The following SEMA5A variants were observed in gnomAD, a reference collection of about 807,000 sequenced individuals.
The protein encoded by SEMA5A is semaphorin 5A.
In SEMA5A, 55 loss-of-function variants were observed where a neutral mutation model predicts 135.5. That is an observed-to-expected ratio of 0.41 (90% CI 0.33 to 0.51). SEMA5A has a LOEUF of 0.51. SEMA5A is among the 20% of genes least tolerant of loss of function. SEMA5A has a pLI of 0.37. For missense variants in SEMA5A, 1,290 were observed against 1,419.9 expected (o/e 0.91, Z 1.47); for synonymous variants, 580 against 546.5 (o/e 1.06, Z -0.85).
At chr5:9,477,261 C>T (rs1759703241) in intron 1 of SEMA5A, among the ~76,000 whole-genome samples, 1 of 152,096 alleles carries the variant, frequency 6.6e-6, no homozygotes, top group African/African-American at 2.4e-5. Context: ...TACCAAATGT[C>T]AGATAGTTCT....
intron 11 of SEMA5A, among the ~76,000 whole-genome samples, chr5:9,155,122 C>A (rs1173772116): frequency 2.0e-5 from 3 of 152,152 alleles, no homozygotes; most frequent in Non-Finnish European, 4.4e-5. Context: ...ATGTGATTGG[C>A]AGCTTCAAAT....
intron 21 of SEMA5A, 97 bp downstream of exon 21, chr5:9,050,313 G>T: frequency 2.7e-6 from 3 of 1,131,810 alleles, no homozygotes; most frequent in Admixed American, 2.6e-5. Context: ...TTTCATTCTT[G>T]GCCAAGAGGC....
At position 9,136,550 on chromosome 5, in the gene SEMA5A, T is replaced by C. The variant is rs151058285; in HGVS notation, c.1553A>G (p.Glu518Gly). 2.5e-6 allele frequency: 4 copies of C among 1,614,122 alleles called. No homozygotes were observed. The highest frequency in any genetic ancestry group is 8.5e-7 in the Non-Finnish European group (1 of 1,180,004). The change falls in exon 13 of 23, where the codon GAG becomes GGG. Residue 518 changes from glutamate to glycine, a missense_variant. Physicochemically the swap from Glu to Gly is moderately conservative, Grantham distance 98. Transcript: ENST00000382496. The part of the protein sequence containing the change: ...VVMKKCTSLE[E>G]SLSMTQWEQS... ...TTCCCACTGCGTCATGCTCAGGCTC[T>C]CCTCCAGGCTTGTGCATTTCTTCAT...
At chr5:9,167,994 A>C (rs1271697303) in intron 11 of SEMA5A, among the ~76,000 whole-genome samples, 1 of 152,172 alleles carries the variant, frequency 6.6e-6, no homozygotes, top group Non-Finnish European at 1.5e-5. Flanking sequence ...GAAATAGCAG[A>C]ATAACCATGT....
rs1736141247 is a variant in SEMA5A, at chr5:9,044,536, A to AG, written c.2941dup (p.Leu981ProfsTer35). The AG allele has an allele frequency of 6.2e-7, 1 of 1,614,050 alleles. No homozygotes were observed. The highest frequency in any genetic ancestry group is 8.5e-7 in the Non-Finnish European group (1 of 1,180,024). On this transcript the variant is annotated frameshift_variant, in exon 22 of 23. Coordinates refer to ENST00000382496, the MANE Select transcript of SEMA5A (RefSeq NM_003966.3). LOFTEE classifies it high-confidence loss of function. ...GACGAGCAGGGTGAGGAGGCAGCCG[A>AG]GGATGGAGCTGCTCAGCCCCACGGC...
chr5:9,317,350 T>C (rs552792465), intron 5 of SEMA5A, among the ~76,000 whole-genome samples: 1 of 152,174 alleles, frequency 6.6e-6, no homozygotes, highest in Non-Finnish European at 1.5e-5. Flanking sequence ...CATGCTAGTA[T>C]GGAGTTGGCA....
At chr5:9,367,848 T>C (rs991472360) in intron 3 of SEMA5A, among the ~76,000 whole-genome samples, 3 of 152,228 alleles carry the variant, frequency 2.0e-5, no homozygotes, top group Non-Finnish European at 4.4e-5. Flanking sequence ...TGAGTTCATG[T>C]AACATCTGGT....
At position 9,169,648 on chromosome 5, in the gene SEMA5A, C is replaced by T. The variant is rs1006204508; in HGVS notation, c.1274-14953G>A. ...AATAAAACCCTGGCATAGTCAGACG[C>T]TCTCCCACTCTCCTCTCCCTTCAAC... On this transcript the variant is annotated intron_variant, in intron 11 of 22. Transcript: ENST00000382496. Among the ~76,000 whole-genome samples the T allele has an allele frequency of 3.3e-5, 5 of 152,178 alleles. No individual in the cohort carries two copies. The East Asian group carries it at 9.6e-4, about 29-fold the overall frequency.
chr5:9,303,408 G>T (rs1305312898), intron 5 of SEMA5A, among the ~76,000 whole-genome samples: 1 of 152,128 alleles, frequency 6.6e-6, no homozygotes, highest in African/African-American at 2.4e-5. Context: ...ATTTTAAAAA[G>T]AACTTGAGGA....
chr5:9,442,409 A>T (rs1175628408), intron 1 of SEMA5A, among the ~76,000 whole-genome samples: 1 of 152,206 alleles, frequency 6.6e-6, no homozygotes, highest in African/African-American at 2.4e-5. Flanking sequence ...AGACCATCAG[A>T]AGCTCGTGAC....
chr5:9,371,594 T>A (rs1755138446), intron 3 of SEMA5A, among the ~76,000 whole-genome samples: 1 of 152,220 alleles, frequency 6.6e-6, no homozygotes, highest in Non-Finnish European at 1.5e-5. Context: ...ATGCATTTTG[T>A]AATGTAAAAA....
chr5:9,075,372 C>G (rs1247621483), intron 16 of SEMA5A, among the ~76,000 whole-genome samples: 4 of 151,838 alleles, frequency 2.6e-5, no homozygotes, highest in Non-Finnish European at 4.4e-5. Context: ...ACACTTGTAC[C>G]TGAATGTTCA....
intron 15 of SEMA5A, among the ~76,000 whole-genome samples, chr5:9,112,223 T>C (rs888155350): frequency 1.3e-5 from 2 of 152,260 alleles, no homozygotes; most frequent in East Asian, 1.9e-4. Flanking sequence ...TGTTTCTCTA[T>C]AAATTATCCA....
chr5:9,052,470 T>C (rs950343113), intron 19 of SEMA5A, among the ~76,000 whole-genome samples: 2 of 152,192 alleles, frequency 1.3e-5, no homozygotes, highest in Non-Finnish European at 2.9e-5. Flanking sequence ...CACCTTCCTC[T>C]GTGCTCAGGC....
chr5:9,129,177 A>G (rs949043174), intron 13 of SEMA5A, among the ~76,000 whole-genome samples: 1 of 152,226 alleles, frequency 6.6e-6, no homozygotes, highest in Non-Finnish European at 1.5e-5. Context: ...AGTGATGGCT[A>G]ATGAAAGAAT....
At chr5:9,142,101 G>A (rs1418776481) in intron 12 of SEMA5A, among the ~76,000 whole-genome samples, 1 of 152,106 alleles carries the variant, frequency 6.6e-6, no homozygotes, top group Non-Finnish European at 1.5e-5. Flanking sequence ...CTTCCCATTT[G>A]GTTAAGAAAG....
intron 1 of SEMA5A, among the ~76,000 whole-genome samples, chr5:9,531,661 C>T (rs917351374): frequency 6.6e-6 from 1 of 152,126 alleles, no homozygotes; most frequent in Non-Finnish European, 1.5e-5. Flanking sequence ...CCTTGAGGCA[C>T]GCTGGCAAAA....
At chr5:9,081,197 T>C (rs1311016481) in intron 16 of SEMA5A, among the ~76,000 whole-genome samples, 2 of 152,100 alleles carry the variant, frequency 1.3e-5, no homozygotes, top group Non-Finnish European at 2.9e-5. Flanking sequence ...CCCAGTGAGC[T>C]TGAAACACTC....
intron 1 of SEMA5A, among the ~76,000 whole-genome samples, chr5:9,461,630 A>G (rs538212122): frequency 1.2e-4 from 18 of 152,328 alleles, no homozygotes; most frequent in Admixed American, 1.0e-3. Flanking sequence ...CACCACCGTG[A>G]TATCACTCCA....
Sources: gnomAD v4.1 joint callset for allele counts (sites outside exome capture counted in the v4.1 genomes callset) on GRCh38, gnomAD v4.1.1 for gene constraint, MANE v1.5 for transcripts, NCBI Gene and HGNC (gene_info 2026-07-23, HGNC 2026-07-21) for gene names.